Variants in LUC7L observed in about 807,000 individuals in gnomAD.
LUC7L encodes the protein putative RNA-binding protein Luc7-like 1.
In LUC7L, 29 loss-of-function variants were observed where a neutral mutation model predicts 51.1. The observed-to-expected ratio is 0.57, with a 90% CI of 0.42 to 0.77. LUC7L has a LOEUF of 0.77. LUC7L is among the 30% of genes least tolerant of loss of function. The pLI is 0.00. For synonymous variants in LUC7L, 181 were observed against 180.7 expected, an observed-to-expected ratio of 1.00 and a Z score of -0.01; for missense variants, 403 against 511.9, an observed-to-expected ratio of 0.79 and a Z score of 2.05.
intron 3 of LUC7L, among the ~76,000 whole-genome samples, chr16:212,295 A>G (rs1392784624): frequency 6.6e-6 from 1 of 152,054 alleles, no homozygotes; most frequent in Non-Finnish European, 1.5e-5. Context: ...CTCCATCTCA[A>G]AAAACACAGC....
intron 1 of LUC7L, chr16:227,684 C>T (rs1567196659): frequency 9.4e-7 from 1 of 1,066,902 alleles, no homozygotes; most frequent in Non-Finnish European, 1.1e-6. Flanking sequence ...GTCCATGAAC[C>T]ACCAAGGGTG....
intron 9 of LUC7L, 166 bp from the exon 10 acceptor site, chr16:189,505 T>A (rs1413197291): frequency 7.1e-7 from 1 of 1,404,916 alleles, no homozygotes. Context: ...TATGGAGTGT[T>A]AGATAGCCAT....
At chr16:226,650 C>T (rs941447048) in intron 2 of LUC7L, among the ~76,000 whole-genome samples, 15 of 152,138 alleles carry the variant, frequency 9.9e-5, no homozygotes, top group African/African-American at 3.6e-4. Flanking sequence ...CAAAAGTTTT[C>T]CACACAACCA....
intron 4 of LUC7L, among the ~76,000 whole-genome samples, chr16:207,556 T>C (rs1167314351): frequency 2.0e-5 from 3 of 152,026 alleles, no homozygotes; most frequent in African/African-American, 7.2e-5. Flanking sequence ...TGATAAACCA[T>C]GTACAGAGGA....
chr16:220,611 T>G lies in LUC7L; in HGVS notation c.255+38A>C, dbSNP rs765633254. ...TTCTTGTTAGTTCAATATTGGGTTC[T>G]TCGCAGTAGGAATAAATCAACATTA... On this transcript the variant is annotated intron_variant, in intron 3 of 9. Coordinates refer to ENST00000293872, the MANE Select transcript of LUC7L (RefSeq NM_201412.3). 1.4e-5 allele frequency: 21 copies of G among 1,461,280 alleles called. No individual in the cohort carries two copies. The South Asian group carries it at 2.4e-4, about 17-fold the overall frequency. 90.5% of individuals were successfully genotyped at this position (1,461,280 alleles called of 1,614,324 possible).
intron 3 of LUC7L, among the ~76,000 whole-genome samples, chr16:210,348 T>C (rs2049604979): frequency 1.3e-5 from 2 of 152,186 alleles, no homozygotes; most frequent in South Asian, 2.1e-4. Flanking sequence ...AACATTTCAG[T>C]ATGTTCAAAT....
chr16:225,372 G>C (rs2050101014), intron 2 of LUC7L, among the ~76,000 whole-genome samples: 1 of 151,688 alleles, frequency 6.6e-6, no homozygotes, highest in South Asian at 2.1e-4. Flanking sequence ...TGTAATCCCA[G>C]CTACTCGGGA....
chr16:216,390 T>G (rs946757076), intron 3 of LUC7L, among the ~76,000 whole-genome samples: 5 of 149,130 alleles, frequency 3.4e-5, no homozygotes, highest in Admixed American at 6.7e-5. Context: ...GTTTTTTTTT[T>G]TTTTTTTTTT....
At chr16:221,859 A>G (rs1257726603) in intron 2 of LUC7L, among the ~76,000 whole-genome samples, 1 of 152,200 alleles carries the variant, frequency 6.6e-6, no homozygotes, top group African/African-American at 2.4e-5. Context: ...GATTTTGGCA[A>G]TTACATCACA....
At chr16:198,612 C>A (rs1596611324) in intron 6 of LUC7L, among the ~76,000 whole-genome samples, 1 of 152,192 alleles carries the variant, frequency 6.6e-6, no homozygotes, top group African/African-American at 2.4e-5. Context: ...GCTATCATGT[C>A]TCTTGTGTGA....
intron 1 of LUC7L, chr16:228,125 T>C: frequency 8.8e-7 from 1 of 1,141,088 alleles, no homozygotes; most frequent in South Asian, 1.9e-5. Context: ...AAGTGGTATG[T>C]GACAAATTTT....
intron 6 of LUC7L, among the ~76,000 whole-genome samples, chr16:197,308 G>C (rs1312376692): frequency 1.4e-5 from 2 of 147,590 alleles, no homozygotes; most frequent in South Asian, 2.1e-4. Flanking sequence ...CTGCCTCCCA[G>C]GTCAAGCAAT....
At chr16:191,633 T>G (rs985178239) in intron 7 of LUC7L, among the ~76,000 whole-genome samples, 2 of 152,022 alleles carry the variant, frequency 1.3e-5, no homozygotes, top group Non-Finnish European at 2.9e-5. Context: ...GATCATGAGG[T>G]CAACAGATCG....
chr16:201,103 A>G (rs897079017), intron 5 of LUC7L, among the ~76,000 whole-genome samples: 3 of 145,426 alleles, frequency 2.1e-5, no homozygotes, highest in South Asian at 2.3e-4. Flanking sequence ...CGGGAGTCAG[A>G]GGATGCAGTG....
At position 223,650 on chromosome 16, in the gene LUC7L, T is replaced by C. The variant is rs145966684; in HGVS notation, c.157-2903A>G. 2.0e-5 allele frequency among the ~76,000 whole-genome samples: 3 copies of C among 151,872 alleles called. No individual in the cohort carries two copies. The South Asian group carries it at 6.2e-4, about 32-fold the overall frequency. ...TCACTGTCACTGAAAATCTGACAAC[T>C]TTTACCTCATTCACTCTGTTTTTTC... On this transcript the variant is annotated intron_variant, in intron 2 of 9. Transcript: ENST00000293872.
At position 193,153 on chromosome 16, in the gene LUC7L, CT is replaced by C. The variant is rs532225269; in HGVS notation, c.688-139del. The C allele has an allele frequency of 3.1e-3, 2,061 of 667,582 alleles. 3 individuals carry two copies. The highest frequency in any genetic ancestry group is 4.0e-3 in the Admixed American group (178 of 44,748). The allele number at this position is 667,582 out of a possible 1,614,324, so 41.4% of individuals were successfully genotyped here. A position where few individuals can be genotyped will look rare whatever the true frequency, so the allele number is the denominator to read the frequency against. ...GGGACACTTTTAGGAAATGGGAATACTTTTTTTTTTCTCTTTGAAACGGTGT... is the reference window on the plus strand; with the variant it reads ...GGGACACTTTTAGGAAATGGGAATACTTTTTTTTTCTCTTTGAAACGGTGT... On this transcript the variant is annotated intron_variant, in intron 6 of 9. Coordinates refer to ENST00000293872, the MANE Select transcript of LUC7L (RefSeq NM_201412.3).
At chr16:220,962 G>C (rs1006079507) in intron 2 of LUC7L, among the ~76,000 whole-genome samples, 1 of 152,172 alleles carries the variant, frequency 6.6e-6, no homozygotes, top group Non-Finnish European at 1.5e-5. Flanking sequence ...GCATTTAATA[G>C]TGTAAAGTTT....
chr16:192,025 G>A (rs2049023185), intron 7 of LUC7L, among the ~76,000 whole-genome samples: 1 of 152,036 alleles, frequency 6.6e-6, no homozygotes, highest in African/African-American at 2.4e-5. Flanking sequence ...CTCTCAAGCT[G>A]AGTGTGGCCA....
intron 6 of LUC7L, among the ~76,000 whole-genome samples, chr16:196,434 A>AAAC (rs1567174463): frequency 1.3e-5 from 2 of 151,972 alleles, no homozygotes; most frequent in African/African-American, 4.8e-5. Flanking sequence ...AAACAAAAAA[A>AAAC]ACCCAACAAC....
Sources: gnomAD v4.1 joint callset for allele counts (sites outside exome capture counted in the v4.1 genomes callset) on GRCh38, gnomAD v4.1.1 for gene constraint, MANE v1.5 for transcripts, NCBI Gene and HGNC (gene_info 2026-07-23, HGNC 2026-07-21) for gene names.